RBM47: variants seen among roughly 807,000 people sequenced by gnomAD.
RBM47 encodes the protein RNA-binding protein 47.
Under a neutral mutation model 47.1 loss-of-function variants are expected in RBM47, and 21 were observed. The ratio of observed to expected loss-of-function variants is 0.45; its 90% CI spans 0.32 to 0.64. RBM47 has a LOEUF of 0.64. Ranked by LOEUF, RBM47 falls within the 30% of genes least tolerant of loss-of-function variation. The pLI is 0.05. For missense variants in RBM47, 708 were observed against 870.9 expected (o/e 0.81, Z 2.35); for synonymous variants, 375 against 361.7 (o/e 1.04, Z -0.42).
chr4:40,466,781 G>A (rs1253537857), intron 2 of RBM47, 82 bp from the exon 3 acceptor site: 2 of 107,304 alleles, frequency 1.9e-5, no homozygotes, highest in African/African-American at 6.9e-5. Flanking sequence ...TGGGGGGGGG[G>A]GGGCAGATCC....
intron 2 of RBM47, among the ~76,000 whole-genome samples, chr4:40,476,563 T>C (rs1170141499): frequency 1.3e-5 from 2 of 152,042 alleles, no homozygotes; most frequent in African/African-American, 2.4e-5. Context: ...AAACCATCTG[T>C]ACACAACAAC....
rs1234898491 is a variant in RBM47 at position 40,527,115 on chromosome 4, GTTTTA to G, written c.-155+17302_-155+17306del. The stretch of plus-strand genomic sequence containing the variant: ...AAATGAAGTTGTTGGTTTTGTGTTT[GTTTTA>G]TTTTATTTTTTTGAGACAGTCTCAC... On this transcript the variant is annotated intron_variant, in intron 2 of 6. Transcript: ENST00000295971. 2.6e-5 allele frequency among the ~76,000 whole-genome samples: 4 copies of G among 151,952 alleles called. 1 individual carries two copies. The highest frequency in any genetic ancestry group is 4.4e-5 in the Non-Finnish European group (3 of 67,990).
intron 1 of RBM47, among the ~76,000 whole-genome samples, chr4:40,580,524 G>A (rs1732783951): frequency 6.6e-6 from 1 of 152,128 alleles, no homozygotes; most frequent in Non-Finnish European, 1.5e-5. Flanking sequence ...GATGACCACA[G>A]CACGGTGATG....
chr4:40,620,816 G>A (rs931948432), intron 1 of RBM47, among the ~76,000 whole-genome samples: 4 of 152,122 alleles, frequency 2.6e-5, no homozygotes, highest in African/African-American at 7.2e-5. Context: ...TTACAGGCGT[G>A]AGCCACTGCA....
chr4:40,439,592 A>G (rs1333110759), intron 3 of RBM47, among the ~76,000 whole-genome samples: 1 of 152,250 alleles, frequency 6.6e-6, no homozygotes, highest in Non-Finnish European at 1.5e-5. Context: ...ATTTGGAATC[A>G]GTCCTTGAAG....
chr4:40,555,652 AAC>A (rs2154265286), intron 1 of RBM47, among the ~76,000 whole-genome samples: 1 of 152,376 alleles, frequency 6.6e-6, no homozygotes, highest in Admixed American at 6.5e-5. Flanking sequence ...AGTAACTGGC[AAC>A]GCTAGGACTG....
chr4:40,459,557 C>A (rs1015796811), intron 3 of RBM47, among the ~76,000 whole-genome samples: 2 of 151,802 alleles, frequency 1.3e-5, no homozygotes, highest in African/African-American at 4.8e-5. Flanking sequence ...CAGAGCAAGA[C>A]CCTATCTCTA....
In RBM47 at chr4:40,437,240, C is replaced by T. The variant is rs1712793107; in HGVS notation, c.1123+531G>A. 2.0e-5 allele frequency among the ~76,000 whole-genome samples: 3 copies of T among 146,662 alleles called. No homozygotes were observed. In the Admixed American group the frequency reaches 2.1e-4, roughly 10 times the overall value. On this transcript the variant is annotated intron_variant, in intron 4 of 6. Transcript: ENST00000295971. The stretch of plus-strand genomic sequence containing the variant: ...CTTTGGAAGGGGATTTGCTGGTCCA[C>T]CTTCCTCATTTCATGCTTGAGAAAA...
Position 40,558,563 on chromosome 4 carries a change from C to T in RBM47, c.-239-14057G>A, listed in dbSNP as rs556081641. On this transcript the variant is annotated intron_variant, in intron 1 of 6. Transcript: ENST00000295971. Reference sequence around the variant, plus strand: ...AAAAAATGGGCCAGACATGGTGGCTCATGCTTGTAATCCCAGCACTTTGGG... The same window carrying T: ...AAAAAATGGGCCAGACATGGTGGCTTATGCTTGTAATCCCAGCACTTTGGG... Among the ~76,000 whole-genome samples the T allele has an allele frequency of 4.9e-4, 73 of 150,492 alleles. 1 individual carries two copies. The Middle Eastern group carries it at 0.014, about 29-fold the overall frequency.
chr4:40,563,218 C>A (rs958811037), intron 1 of RBM47, among the ~76,000 whole-genome samples: 2 of 152,192 alleles, frequency 1.3e-5, no homozygotes, highest in Admixed American at 6.5e-5. Context: ...AAATAAAATA[C>A]CTTTTTTAAA....
intron 2 of RBM47, among the ~76,000 whole-genome samples, chr4:40,480,789 A>G (rs1720278472): frequency 6.6e-6 from 1 of 152,202 alleles, no homozygotes; most frequent in African/African-American, 2.4e-5. Flanking sequence ...TAAGCTAAGT[A>G]ATTATTAGTA....
In RBM47 at chr4:40,425,247, T is replaced by C. The variant is rs958924616; in HGVS notation, c.*657A>G. 6.6e-6 allele frequency: 1 copy of C among 152,670 alleles called. No homozygotes were observed. Among genetic ancestry groups the C allele is most frequent in the African/African-American group, 2.4e-5 (1 of 41,454 alleles). 9.5% of individuals were successfully genotyped at this position (152,670 alleles called of 1,614,324 possible). On this transcript the variant is annotated 3_prime_UTR_variant, in exon 7 of 7. Coordinates refer to ENST00000295971, the MANE Select transcript of RBM47 (RefSeq NM_001098634.2). ...TGTTTGGACTCAGAAGTGCGGCAAG[T>C]CTTTTCAATGTTGGCTTAAGGAGAG...
Position 40,426,117 on chromosome 4 carries a change from C to G in RBM47, c.1569G>C (p.Thr523=). Residue 523 remains threonine, a synonymous_variant, in exon 7 of 7, where the codon ACG becomes ACC. Transcript: ENST00000295971. ...GAATTCTCTGAACGTTTGGAGCCAC[C>G]GTGTATACTGGAGTTATTGGGCGGC... ...FQGRPITPVY[T]VAPNVQRIPT... is the part of the protein sequence containing the mutation. The G allele has an allele frequency of 6.2e-7, 1 of 1,614,082 alleles. No individual in the cohort carries two copies. The highest frequency in any genetic ancestry group is 8.5e-7 in the Non-Finnish European group (1 of 1,180,008).
chr4:40,535,371 C>CTTTTTTTTTTTTTTTTTTCTTT (rs1553897874), intron 2 of RBM47, among the ~76,000 whole-genome samples: 16 of 103,434 alleles, frequency 1.5e-4, no homozygotes, highest in East Asian at 3.1e-4. Context: ...TATGGTATTT[C>CTTTTTTTTTTTTTTTTTTCTTT]TTTTTTTTTT....
chr4:40,429,172 G>A (rs190016742), intron 6 of RBM47, among the ~76,000 whole-genome samples: 45 of 152,176 alleles, frequency 3.0e-4, no homozygotes, highest in Non-Finnish European at 5.6e-4. Flanking sequence ...CAGATTGACC[G>A]TCAAGGAACC....
At chr4:40,529,923 T>C (rs1052682679) in intron 2 of RBM47, among the ~76,000 whole-genome samples, 2 of 149,736 alleles carry the variant, frequency 1.3e-5, no homozygotes, top group Non-Finnish European at 3.0e-5. Context: ...TTAAGGATAT[T>C]AGACCCCCTT....
chr4:40,435,300 G>A (rs542718251), intron 5 of RBM47, among the ~76,000 whole-genome samples: 2 of 152,288 alleles, frequency 1.3e-5, no homozygotes, highest in African/African-American at 4.8e-5. Context: ...TGTAATCCCA[G>A]CACTTTGGGA....
chr4:40,467,393 G>A (rs1200657688), intron 2 of RBM47, among the ~76,000 whole-genome samples: 3 of 151,938 alleles, frequency 2.0e-5, no homozygotes, highest in African/African-American at 4.8e-5. Flanking sequence ...AGGTTCATGC[G>A]ATTCTCCTGC....
chr4:40,534,866 C>T (rs1347125665), intron 2 of RBM47, among the ~76,000 whole-genome samples: 2 of 147,374 alleles, frequency 1.4e-5, no homozygotes, highest in East Asian at 2.0e-4. Flanking sequence ...ACCCGGGAGG[C>T]GGAGCTTGCA....
Sources: gnomAD v4.1 joint callset for allele counts (sites outside exome capture counted in the v4.1 genomes callset) on GRCh38, gnomAD v4.1.1 for gene constraint, MANE v1.5 for transcripts, NCBI Gene and HGNC (gene_info 2026-07-23, HGNC 2026-07-21) for gene names.